Variants in ACACA observed in about 807,000 individuals in gnomAD.
The protein encoded by ACACA is acetyl-CoA carboxylase alpha.
In ACACA, 103 loss-of-function variants were observed where a neutral mutation model predicts 296.1. The ratio of observed to expected loss-of-function variants is 0.35; its 90% CI spans 0.30 to 0.41. The LOEUF (loss-of-function observed/expected upper bound fraction) is 0.41. ACACA is among the 10% of genes least tolerant of loss of function. The pLI, the probability that ACACA is intolerant of heterozygous loss-of-function variation, is 1.00. For synonymous variants in ACACA, 953 were observed against 1,038.6 expected (o/e 0.92, Z 1.58); for missense variants, 1,554 against 2,989.7 (o/e 0.52, Z 11.20).
At chr17:37,236,511 A>T (rs1312059911) in intron 24 of ACACA, among the ~76,000 whole-genome samples, 1 of 151,766 alleles carries the variant, frequency 6.6e-6, no homozygotes. Context: ...GATCCTGCAT[A>T]CCAAGACACT....
chr17:37,094,857 T>G (rs1390123556), intron 54 of ACACA, among the ~76,000 whole-genome samples: 1 of 152,188 alleles, frequency 6.6e-6, no homozygotes, highest in Non-Finnish European at 1.5e-5. Context: ...ACAAGGGAAA[T>G]GGCCTCAGTG....
intron 45 of ACACA, among the ~76,000 whole-genome samples, chr17:37,146,660 TG>T (rs984105547): frequency 1.7e-4 from 1 of 5,848 alleles, no homozygotes; most frequent in Non-Finnish European, 3.2e-4. Context: ...GTGTAAGAGG[TG>T]GGGGGGAAGG....
At chr17:37,374,534 G>C (rs1302827833) in intron 1 of ACACA, among the ~76,000 whole-genome samples, 7 of 152,040 alleles carry the variant, frequency 4.6e-5, no homozygotes, top group Admixed American at 4.6e-4. Flanking sequence ...TCATCCACCC[G>C]CCTCAGCCAC....
intron 45 of ACACA, among the ~76,000 whole-genome samples, chr17:37,131,326 T>C (rs1177261480): frequency 6.6e-6 from 1 of 152,148 alleles, no homozygotes; most frequent in East Asian, 1.9e-4. Flanking sequence ...GGTTAATAAT[T>C]TCTTTCAGGG....
intron 2 of ACACA, 61 bp from the exon 3 acceptor site, chr17:37,330,486 A>T: frequency 6.2e-7 from 1 of 1,600,514 alleles, no homozygotes; most frequent in Non-Finnish European, 8.5e-7. Context: ...ATCTGAGGTC[A>T]GCCAGAGGTT....
intron 41 of ACACA, among the ~76,000 whole-genome samples, chr17:37,165,963 C>T (rs2076650380): frequency 6.6e-6 from 1 of 152,064 alleles, no homozygotes; most frequent in African/African-American, 2.4e-5. Flanking sequence ...AGGCGTGAGC[C>T]ACCTTGCCCA....
chr17:37,341,123 C>A (rs2048357190), intron 1 of ACACA, among the ~76,000 whole-genome samples: 1 of 152,104 alleles, frequency 6.6e-6, no homozygotes, highest in Non-Finnish European at 1.5e-5. Flanking sequence ...GTCATATGTA[C>A]CTCATGGGAC....
At chr17:37,217,380 T>C (rs2079055733) in intron 29 of ACACA, among the ~76,000 whole-genome samples, 2 of 151,958 alleles carry the variant, frequency 1.3e-5, no homozygotes, top group Non-Finnish European at 1.5e-5. Flanking sequence ...TGGACAAATT[T>C]TGTCTACTTC....
At chr17:37,206,693 C>T (rs1025682313) in intron 32 of ACACA, 90 bp downstream of exon 32, 20 of 1,086,826 alleles carry the variant, frequency 1.8e-5, no homozygotes, top group Non-Finnish European at 2.8e-5. Flanking sequence ...TGAATTCTTT[C>T]CTATAATAGT....
intron 45 of ACACA, among the ~76,000 whole-genome samples, chr17:37,148,283 A>G (rs373951675): frequency 2.0e-5 from 3 of 151,964 alleles, no homozygotes; most frequent in South Asian, 4.2e-4. Flanking sequence ...TCCCACTGCA[A>G]TAATAATCTT....
chr17:37,164,113 A>C (rs2076573017), intron 41 of ACACA, among the ~76,000 whole-genome samples: 1 of 131,928 alleles, frequency 7.6e-6, no homozygotes, highest in South Asian at 2.6e-4. Context: ...CCAAACACAA[A>C]GCCTACCTAC....
chr17:37,369,894 C>T (rs1239483197), intron 1 of ACACA, among the ~76,000 whole-genome samples: 3 of 151,872 alleles, frequency 2.0e-5, no homozygotes, highest in Admixed American at 1.3e-4. Context: ...TTAGTAGAGA[C>T]GAGGTTTCAC....
At chr17:37,378,895 T>TTTAAAAAA (rs1470281544) in intron 1 of ACACA, among the ~76,000 whole-genome samples, 1 of 152,046 alleles carries the variant, frequency 6.6e-6, no homozygotes, top group Non-Finnish European at 1.5e-5. Flanking sequence ...GACCCTGTCT[T>TTTAAAAAA]TTAAAAAATT....
chr17:37,201,163 G>C (rs2078229394), intron 33 of ACACA, among the ~76,000 whole-genome samples: 1 of 152,188 alleles, frequency 6.6e-6, no homozygotes, highest in Non-Finnish European at 1.5e-5. Flanking sequence ...AGAAGGCTGG[G>C]AGTGGTGGCT....
chr17:37,268,148 T>C (rs762484977), intron 10 of ACACA, among the ~76,000 whole-genome samples: 1 of 152,218 alleles, frequency 6.6e-6, no homozygotes, highest in Non-Finnish European at 1.5e-5. Flanking sequence ...ATAATCTCAT[T>C]ATATAAACCC....
rs923952836 is a variant in ACACA, at chr17:37,129,582, C to T, written c.5824-97G>A. ...TTATAGACAAAGACAGCAGGGCCCA[C>T]GTATGGAATTGCACCCAATAGTCCC... On this transcript the variant is annotated intron_variant, in intron 46 of 55. Coordinates refer to ENST00000616317, the MANE Select transcript of ACACA (RefSeq NM_198834.3). The T allele has an allele frequency of 3.8e-5, 57 of 1,514,980 alleles. No individual in the cohort carries two copies. In the East Asian group the frequency reaches 6.8e-4, roughly 18 times the overall value. 93.8% of individuals were successfully genotyped at this position (1,514,980 alleles called of 1,614,324 possible).
chr17:37,344,234 G>C (rs2048515202), intron 1 of ACACA, among the ~76,000 whole-genome samples: 1 of 151,728 alleles, frequency 6.6e-6, no homozygotes. Flanking sequence ...TTTGAGACCA[G>C]CCTGGACACC....
chr17:37,105,720 C>T (rs951380268), intron 52 of ACACA, among the ~76,000 whole-genome samples: 22 of 150,974 alleles, frequency 1.5e-4, no homozygotes, highest in Non-Finnish European at 2.5e-4. Flanking sequence ...CAAAATTAGT[C>T]GGGCATGGTG....
chr17:37,391,985 T>C lies in ACACA; in HGVS notation c.38+14277A>G, dbSNP rs140030061. ...TCCCCTCAAACGAGAACAAAAAGTATTCCCTGCAAGCACTATGAATGGACC... is the reference window on the plus strand; with the variant it reads ...TCCCCTCAAACGAGAACAAAAAGTACTCCCTGCAAGCACTATGAATGGACC... On this transcript the variant is annotated intron_variant, in intron 1 of 55. Coordinates refer to ENST00000616317, the MANE Select transcript of ACACA (RefSeq NM_198834.3). 4.7e-5 allele frequency: 23 copies of C among 484,288 alleles called. No individual in the cohort carries two copies. In the East Asian group the frequency reaches 7.0e-4, roughly 15 times the overall value. 30.0% of individuals were successfully genotyped at this position (484,288 alleles called of 1,614,324 possible). A position where few individuals can be genotyped will look rare whatever the true frequency, so the allele number is the denominator to read the frequency against.
Sources: gnomAD v4.1 joint callset for allele counts (sites outside exome capture counted in the v4.1 genomes callset) on GRCh38, gnomAD v4.1.1 for gene constraint, MANE v1.5 for transcripts, NCBI Gene and HGNC (gene_info 2026-07-23, HGNC 2026-07-21) for gene names.